The following ZNF280D variants were observed in gnomAD, a reference collection of about 807,000 sequenced individuals.
The protein encoded by ZNF280D is zinc finger protein 280D, also known as suppressor of hairy wing homolog 4.
Under a neutral mutation model 94.7 loss-of-function variants are expected in ZNF280D, and 39 were observed. That is an observed-to-expected ratio of 0.41 (90% confidence interval 0.32 to 0.54). ZNF280D has a LOEUF of 0.54. ZNF280D is among the 20% of genes least tolerant of loss of function. The probability of loss-of-function intolerance (pLI) is 0.22; values close to 1 mark genes in which losing one functional copy is unlikely to be tolerated. For missense variants in ZNF280D, 1,090 were observed against 1,149.3 expected (o/e 0.95, Z 0.75); for synonymous variants, 398 against 377.6 (o/e 1.05, Z -0.63).
intron 1 of ZNF280D, 188 bp from the exon 2 acceptor site, chr15:56,707,494 G>T: frequency 6.1e-6 from 1 of 162,860 alleles, no homozygotes; most frequent in Non-Finnish European, 1.3e-5. Flanking sequence ...ATTATACTTG[G>T]CACTTAATAC....
Position 56,704,127 on chromosome 15 carries a change from T to C in ZNF280D, c.169A>G (p.Ile57Val), listed in dbSNP as rs568604753. Reference sequence around the variant, plus strand: ...ACTAAAAGTAAATGCTTACTTGAAATTGCTGGTTTTGAACTTGATATCTCG... The same window carrying C: ...ACTAAAAGTAAATGCTTACTTGAAACTGCTGGTTTTGAACTTGATATCTCG... ...VGEISSSKPA[I>V]SNILNRVNPS... The change falls in exon 4 of 22, where the codon ATT becomes GTT. Residue 57 changes from isoleucine (I) to valine (V), a missense_variant. By Grantham distance (29) the Ile-to-Val change is conservative. Coordinates refer to ENST00000267807, the MANE Select transcript of ZNF280D (RefSeq NM_017661.4). 4.3e-6 allele frequency: 7 copies of C among 1,613,496 alleles called. No homozygotes were observed. Among genetic ancestry groups the C allele is most frequent in the South Asian group, 2.2e-5 (2 of 90,902 alleles).
intron 6 of ZNF280D, among the ~76,000 whole-genome samples, chr15:56,697,608 A>G (rs1184733231): frequency 1.3e-5 from 2 of 152,322 alleles, no homozygotes; most frequent in East Asian, 1.9e-4. Context: ...AGGAAAATGT[A>G]CTACTATTTT....
intron 1 of ZNF280D, among the ~76,000 whole-genome samples, chr15:56,732,119 A>C (rs1354454194): frequency 6.6e-6 from 1 of 152,216 alleles, no homozygotes; most frequent in African/African-American, 2.4e-5. Flanking sequence ...GGTATATACT[A>C]GAGTTGAGCA....
intron 9 of ZNF280D, among the ~76,000 whole-genome samples, chr15:56,683,976 T>TA (rs1371246307): frequency 2.0e-5 from 3 of 152,108 alleles, no homozygotes; most frequent in Non-Finnish European, 4.4e-5. Context: ...ATACACATCT[T>TA]AAAGGTGAAA....
Position 56,664,544 on chromosome 15 carries a change from T to C in ZNF280D, c.1994+1851A>G, listed in dbSNP as rs574802984. ...AAGGTAACAGGAAAAATACGTGGGG[T>C]TGAAAAGAGTTAATTTTAGGAAAAA... On this transcript the variant is annotated intron_variant, in intron 16 of 21. Coordinates refer to ENST00000267807, the MANE Select transcript of ZNF280D (RefSeq NM_017661.4). Among the ~76,000 whole-genome samples, 4 of 152,164 alleles carry C rather than the reference T, an allele frequency of 2.6e-5. No individual in the cohort carries two copies. In the East Asian group the frequency reaches 7.7e-4, roughly 29 times the overall value.
intron 19 of ZNF280D, among the ~76,000 whole-genome samples, chr15:56,651,644 C>T: frequency 6.6e-6 from 1 of 152,092 alleles, no homozygotes; most frequent in Non-Finnish European, 1.5e-5. Context: ...ACAGGTCGCC[C>T]CTACCTCCCC....
chr15:56,702,126 T>A (rs1321076389), intron 4 of ZNF280D, among the ~76,000 whole-genome samples: 8 of 151,644 alleles, frequency 5.3e-5, no homozygotes, highest in African/African-American at 1.9e-4. Flanking sequence ...TATAAAATAA[T>A]GGTTCACACA....
At position 56,731,605 on chromosome 15, in the gene ZNF280D, T is replaced by C. The variant is rs1333525634; in HGVS notation, c.-86+1853A>G. Among the ~76,000 whole-genome samples, 3 of 152,090 alleles carry C rather than the reference T, an allele frequency of 2.0e-5. No homozygotes were observed. In the South Asian group the frequency reaches 6.2e-4, roughly 32 times the overall value. ...CCACGTTAGATTTTAAGGAATATTC[T>C]TCACTTTCTTAAGTGTGATTGCGGT... On this transcript the variant is annotated intron_variant, in intron 1 of 21. Coordinates refer to ENST00000267807, the MANE Select transcript of ZNF280D (RefSeq NM_017661.4).
chr15:56,636,773 C>T (rs2052375924), intron 20 of ZNF280D, among the ~76,000 whole-genome samples: 1 of 151,996 alleles, frequency 6.6e-6, no homozygotes, highest in Non-Finnish European at 1.5e-5. Context: ...CATGTTCCAC[C>T]ATGCCCAACT....
intron 1 of ZNF280D, among the ~76,000 whole-genome samples, chr15:56,721,244 T>C (rs963697054): frequency 9.2e-5 from 14 of 152,178 alleles, no homozygotes; most frequent in Admixed American, 3.9e-4. Context: ...GTGTTGCGAT[T>C]ACAGGCATGA....
At chr15:56,709,989 C>G (rs941834975) in intron 1 of ZNF280D, among the ~76,000 whole-genome samples, 1 of 151,938 alleles carries the variant, frequency 6.6e-6, no homozygotes, top group Admixed American at 6.5e-5. Context: ...CACATGTACC[C>G]TAGAACTTAA....
chr15:56,711,079 T>A (rs2057735369), intron 1 of ZNF280D, among the ~76,000 whole-genome samples: 1 of 152,238 alleles, frequency 6.6e-6, no homozygotes, highest in Non-Finnish European at 1.5e-5. Flanking sequence ...AAACATTTAG[T>A]AACCATGAAG....
intron 1 of ZNF280D, among the ~76,000 whole-genome samples, chr15:56,714,805 G>C (rs935937961): frequency 7.9e-5 from 12 of 152,134 alleles, no homozygotes; most frequent in African/African-American, 2.9e-4. Context: ...TCAAGACTTT[G>C]AAAGGACAAT....
chr15:56,639,284 T>C (rs1199664625), intron 20 of ZNF280D, among the ~76,000 whole-genome samples: 15 of 146,224 alleles, frequency 1.0e-4, no homozygotes, highest in Non-Finnish European at 1.5e-4. Flanking sequence ...TACAATTAAA[T>C]GAGCTAAAAA....
rs2052705309 is a variant in ZNF280D at position 56,643,000 on chromosome 15, T to G, written c.2214-3A>C. ...TTGCGGGAGCTTCTTTTTTTAATCT[T>G]GAAAACAAGATAAGTATTGAATATT... On this transcript the variant is annotated splice_region_variant and splice_polypyrimidine_tract_variant and intron_variant, in intron 19 of 21. Transcript: ENST00000267807. 3 of 1,496,264 alleles carry G rather than the reference T, an allele frequency of 2.0e-6. No individual in the cohort carries two copies. The Admixed American group carries it at 7.6e-5, about 38-fold the overall frequency. The allele number at this position is 1,496,264 out of a possible 1,614,324, so 92.7% of individuals were successfully genotyped here. A position where few individuals can be genotyped will look rare whatever the true frequency, so the allele number is the denominator to read the frequency against.
intron 12 of ZNF280D, 29 bp from the exon 13 acceptor site, chr15:56,676,845 C>T (rs770540722): frequency 6.5e-7 from 1 of 1,532,274 alleles, no homozygotes; most frequent in East Asian, 2.3e-5. Context: ...CTTAGTTTAA[C>T]TTGAAAATTT....
chr15:56,731,586 T>C (rs2058893651), intron 1 of ZNF280D, among the ~76,000 whole-genome samples: 1 of 151,782 alleles, frequency 6.6e-6, no homozygotes, highest in African/African-American at 2.4e-5. Flanking sequence ...TACACCACGT[T>C]AGATTTTAAG....
At chr15:56,705,314 A>C (rs1364820336) in intron 3 of ZNF280D, among the ~76,000 whole-genome samples, 5 of 152,196 alleles carry the variant, frequency 3.3e-5, no homozygotes, top group Non-Finnish European at 5.9e-5. Context: ...TAAATACTTG[A>C]AATACCAGCC....
chr15:56,716,713 A>T (rs1596647961), intron 1 of ZNF280D, among the ~76,000 whole-genome samples: 1 of 152,118 alleles, frequency 6.6e-6, no homozygotes, highest in East Asian at 1.9e-4. Context: ...GTATTAAATC[A>T]GAGAGAAGAC....
Sources: allele counts gnomAD v4.1 joint callset (sites outside exome capture counted in the v4.1 genomes callset), GRCh38; gene constraint gnomAD v4.1.1; transcripts MANE v1.5; gene names NCBI Gene and HGNC (gene_info 2026-07-23, HGNC 2026-07-21).